The following MBNL1 variants were observed in gnomAD, a reference collection of about 807,000 sequenced individuals.
MBNL1 encodes the protein muscleblind like splicing regulator 1.
Under a neutral mutation model 42.2 loss-of-function variants are expected in MBNL1, and 8 were observed. The observed-to-expected ratio is 0.19, with a 90% confidence interval of 0.11 to 0.34. The LOEUF (loss-of-function observed/expected upper bound fraction) is 0.34, where lower values mean the gene tolerates loss of function less well. MBNL1 is among the 10% of genes least tolerant of loss of function. MBNL1 has a pLI of 1.00. For synonymous variants in MBNL1, 169 were observed against 173.9 expected (o/e 0.97, Z 0.22); for missense variants, 309 against 495.3 (o/e 0.62, Z 3.57).
At chr3:152,320,325 T>C (rs1452726491) in intron 2 of MBNL1, among the ~76,000 whole-genome samples, 6 of 152,184 alleles carry the variant, frequency 3.9e-5, no homozygotes, top group African/African-American at 1.2e-4. Flanking sequence ...ACTCATCCAG[T>C]TAAATTGCTC....
At chr3:152,407,936 A>G (rs2098472283) in intron 2 of MBNL1, among the ~76,000 whole-genome samples, 1 of 152,062 alleles carries the variant, frequency 6.6e-6, no homozygotes, top group African/African-American at 2.4e-5. Context: ...CAATGAGAAC[A>G]CCTGGACACG....
intron 2 of MBNL1, among the ~76,000 whole-genome samples, chr3:152,381,120 A>C (rs915531525): frequency 6.6e-5 from 10 of 152,192 alleles, no homozygotes; most frequent in Non-Finnish European, 1.2e-4. Flanking sequence ...CATTATAACA[A>C]GTTGTATATC....
At chr3:152,399,745 C>G (rs990150407) in intron 2 of MBNL1, among the ~76,000 whole-genome samples, 1 of 152,108 alleles carries the variant, frequency 6.6e-6, no homozygotes, top group Non-Finnish European at 1.5e-5. Context: ...TGAAGTGACC[C>G]TCCTATCTCA....
chr3:152,350,686 A>G (rs930072597), intron 2 of MBNL1, among the ~76,000 whole-genome samples: 1 of 152,092 alleles, frequency 6.6e-6, no homozygotes, highest in Non-Finnish European at 1.5e-5. Context: ...TTAACCAAAA[A>G]CTTCCTGAGA....
intron 2 of MBNL1, among the ~76,000 whole-genome samples, chr3:152,262,200 T>G (rs842050): frequency 0.64 from 98,009 of 151,962 alleles, 31,622 homozygotes; most frequent in Middle Eastern, 0.67. Context: ...CCTAAGTTAA[T>G]ATATTAAAAT....
intron 2 of MBNL1, among the ~76,000 whole-genome samples, chr3:152,391,219 A>G (rs1436788262): frequency 1.3e-5 from 2 of 152,118 alleles, no homozygotes; most frequent in Non-Finnish European, 2.9e-5. Flanking sequence ...ACTATTAAGC[A>G]CTCTCTCCTT....
At chr3:152,272,601 T>G (rs1352378462) in intron 1 of MBNL1, among the ~76,000 whole-genome samples, 1 of 151,774 alleles carries the variant, frequency 6.6e-6, no homozygotes. Context: ...ATATCCAAAG[T>G]CCTGAGCAAA....
intron 2 of MBNL1, chr3:152,340,347 C>T (rs2092815029): frequency 1.5e-6 from 1 of 677,376 alleles, no homozygotes; most frequent in South Asian, 2.3e-5. Flanking sequence ...CATGCAAAAA[C>T]TGAACAATAG....
chr3:152,378,196 A>G (rs548909770), intron 2 of MBNL1, among the ~76,000 whole-genome samples: 1 of 152,166 alleles, frequency 6.6e-6, no homozygotes, highest in South Asian at 2.1e-4. Flanking sequence ...AAACAAAAAA[A>G]CAATTCACTA....
At chr3:152,356,462 C>G (rs1435483531) in intron 2 of MBNL1, among the ~76,000 whole-genome samples, 1 of 152,078 alleles carries the variant, frequency 6.6e-6, no homozygotes, top group Non-Finnish European at 1.5e-5. Flanking sequence ...CTGACAAAGT[C>G]CACTCTTTAA....
chr3:152,368,443 G>C (rs953133284), intron 2 of MBNL1, among the ~76,000 whole-genome samples: 3 of 152,112 alleles, frequency 2.0e-5, no homozygotes, highest in African/African-American at 7.2e-5. Context: ...GTCGGGTAGC[G>C]TGATGCCACC....
At chr3:152,268,679 C>A, upstream of MBNL1, 1 of 438,202 alleles carries the variant, frequency 2.3e-6, no homozygotes, top group Non-Finnish European at 4.6e-6. Context: ...CTGCTCTCGG[C>A]GCCGCTGGGC....
At chr3:152,297,853 A>G (rs763442914) in intron 1 of MBNL1, among the ~76,000 whole-genome samples, 6 of 150,652 alleles carry the variant, frequency 4.0e-5, no homozygotes, top group Non-Finnish European at 7.4e-5. Context: ...ATGGGGTTTT[A>G]CCATGTTGGC....
At chr3:152,357,768 A>G (rs543862806) in intron 2 of MBNL1, among the ~76,000 whole-genome samples, 10 of 152,310 alleles carry the variant, frequency 6.6e-5, no homozygotes, top group African/African-American at 2.4e-4. Context: ...GAGTGAGTAA[A>G]GTTACTCATT....
intron 2 of MBNL1, chr3:152,340,632 C>T (rs1349435121): frequency 1.2e-6 from 2 of 1,613,840 alleles, no homozygotes; most frequent in Non-Finnish European, 1.7e-6. Flanking sequence ...TGCAACTAAA[C>T]CCACAAGCGT....
intron 2 of MBNL1, among the ~76,000 whole-genome samples, chr3:152,366,137 A>G (rs2096352799): frequency 6.6e-6 from 1 of 152,160 alleles, no homozygotes; most frequent in South Asian, 2.1e-4. Flanking sequence ...AAAAAAGAGT[A>G]ATTTTGTTGA....
chr3:152,408,718 T>G lies in MBNL1; in HGVS notation c.175-6223T>G, dbSNP rs1228852016. On this transcript the variant is annotated intron_variant, in intron 2 of 9. Coordinates refer to ENST00000324210, the MANE Select transcript of MBNL1 (RefSeq NM_021038.5). ...CAGCCCCCCACTAAATTCCATGAGGTGTAAAGTGGCGGTTGGCTCTCAACA... is the reference window on the plus strand; with the variant it reads ...CAGCCCCCCACTAAATTCCATGAGGGGTAAAGTGGCGGTTGGCTCTCAACA... 5.9e-5 allele frequency among the ~76,000 whole-genome samples: 9 copies of G among 151,612 alleles called. No individual in the cohort carries two copies. In the Admixed American group the frequency reaches 5.9e-4, roughly 10 times the overall value.
At position 152,269,012 on chromosome 3, in the gene MBNL1, G is replaced by A. The variant is rs1419116704; in HGVS notation, c.-870G>A. 2 of 456,262 alleles carry A rather than the reference G, an allele frequency of 4.4e-6. No homozygotes were observed. Among genetic ancestry groups the A allele is most frequent in the Admixed American group, 4.7e-5 (2 of 42,592 alleles). 28.3% of individuals were successfully genotyped at this position (456,262 alleles called of 1,614,324 possible). Reference sequence around the variant, plus strand: ...CTGACAAGTTCCATTTTCCGTCGCGGGCATCTTGGAATCATGACTCCCACA... The same window carrying A: ...CTGACAAGTTCCATTTTCCGTCGCGAGCATCTTGGAATCATGACTCCCACA... On this transcript the variant is annotated 5_prime_UTR_variant, in exon 1 of 10. Transcript: ENST00000324210.
intron 2 of MBNL1, among the ~76,000 whole-genome samples, chr3:152,326,969 A>G (rs917433614): frequency 3.3e-5 from 5 of 151,418 alleles, no homozygotes; most frequent in Non-Finnish European, 7.4e-5. Flanking sequence ...TGCCCAGCTA[A>G]TTTTTTTGTG....
Sources: gnomAD v4.1 joint callset for allele counts (sites outside exome capture counted in the v4.1 genomes callset) on GRCh38, gnomAD v4.1.1 for gene constraint, MANE v1.5 for transcripts, NCBI Gene and HGNC (gene_info 2026-07-23, HGNC 2026-07-21) for gene names.